EFCAB6: variants seen among roughly 807,000 people sequenced by gnomAD.
The protein encoded by EFCAB6 is EF-hand calcium binding domain 6, also known as EF-hand calcium-binding domain-containing protein 6.
EFCAB6 carries 156 observed loss-of-function variants against 169.8 expected under a neutral mutation model. That is an observed-to-expected ratio of 0.92 (90% CI 0.81 to 1.05). The LOEUF (loss-of-function observed/expected upper bound fraction) is 1.05, where lower values mean the gene tolerates loss of function less well. Among genes scored for constraint, EFCAB6 ranks in the 50% least tolerant of loss-of-function variants. The pLI, the probability that EFCAB6 is intolerant of heterozygous loss-of-function variation, is 0.00. For missense variants in EFCAB6, 1,800 were observed against 1,829.1 expected (o/e 0.98, Z 0.29); for synonymous variants, 698 against 676.4 (o/e 1.03, Z -0.50).
intron 1 of EFCAB6, among the ~76,000 whole-genome samples, 200 bp downstream of exon 1, chr22:43,811,968 C>A (rs2063146446): frequency 6.6e-6 from 1 of 152,202 alleles, no homozygotes; most frequent in Non-Finnish European, 1.5e-5. Flanking sequence ...CTGTTCCCCA[C>A]AGGGCCCCAG....
At chr22:43,652,615 G>A (rs2056528915) in intron 17 of EFCAB6, among the ~76,000 whole-genome samples, 1 of 152,144 alleles carries the variant, frequency 6.6e-6, no homozygotes, top group Non-Finnish European at 1.5e-5. Context: ...CTAAGGTTAT[G>A]AGTCCCCACT....
At chr22:43,541,327 T>TG (rs905012723) in intron 27 of EFCAB6, among the ~76,000 whole-genome samples, 4 of 152,296 alleles carry the variant, frequency 2.6e-5, no homozygotes, top group African/African-American at 7.2e-5. Context: ...AAGTCGGGGT[T>TG]GGGGGGTGCA....
chr22:43,729,647 A>C (rs757181770), intron 8 of EFCAB6, among the ~76,000 whole-genome samples: 1 of 152,250 alleles, frequency 6.6e-6, no homozygotes, highest in Non-Finnish European at 1.5e-5. Flanking sequence ...AACTTCAGAT[A>C]CAAAATTACT....
At chr22:43,742,957 G>A (rs1253891504) in intron 6 of EFCAB6, among the ~76,000 whole-genome samples, 4 of 152,202 alleles carry the variant, frequency 2.6e-5, no homozygotes, top group Admixed American at 2.0e-4. Flanking sequence ...TGGAGAGCAA[G>A]GCTGGGGAAG....
intron 11 of EFCAB6, among the ~76,000 whole-genome samples, chr22:43,686,128 T>C (rs2058185749): frequency 6.6e-6 from 1 of 152,042 alleles, no homozygotes; most frequent in Admixed American, 6.5e-5. Context: ...ATTACAGGCT[T>C]GCGCCACCAC....
At chr22:43,582,622 T>C (rs767512161) in intron 24 of EFCAB6, among the ~76,000 whole-genome samples, 4 of 152,064 alleles carry the variant, frequency 2.6e-5, no homozygotes, top group Non-Finnish European at 5.9e-5. Flanking sequence ...ATGTGGGATA[T>C]AGGAGACAGG....
chr22:43,625,792 G>C (rs2054470911), intron 20 of EFCAB6, among the ~76,000 whole-genome samples: 1 of 152,214 alleles, frequency 6.6e-6, no homozygotes, highest in Non-Finnish European at 1.5e-5. Context: ...CCATCACCTA[G>C]CTTAACATTT....
chr22:43,676,213 C>G (rs141892827), intron 13 of EFCAB6, among the ~76,000 whole-genome samples: 1 of 151,784 alleles, frequency 6.6e-6, no homozygotes, highest in African/African-American at 2.4e-5. Flanking sequence ...GTCAGGAGAT[C>G]GAGACCATCC....
At chr22:43,617,973 A>G (rs1201802139) in intron 20 of EFCAB6, among the ~76,000 whole-genome samples, 1 of 151,534 alleles carries the variant, frequency 6.6e-6, no homozygotes, top group Non-Finnish European at 1.5e-5. Flanking sequence ...GTGGTGGTGC[A>G]CGCCTATAAT....
intron 17 of EFCAB6, among the ~76,000 whole-genome samples, chr22:43,651,897 G>GTAT (rs1419139972): frequency 6.6e-6 from 1 of 152,308 alleles, no homozygotes; most frequent in Non-Finnish European, 1.5e-5. Flanking sequence ...TTGAATGGCT[G>GTAT]TATTTACCCA....
At position 43,605,705 on chromosome 22, in the gene EFCAB6, G is replaced by C. The variant is rs532960230; in HGVS notation, c.2681+2777C>G. ...CTGGAGCTGGACGGTGGTGACAGCT[G>C]CACTGCATGATGAACGTATTGAATA... On this transcript the variant is annotated intron_variant, in intron 22 of 31. Coordinates refer to ENST00000262726, the MANE Select transcript of EFCAB6 (RefSeq NM_022785.4). Among the ~76,000 whole-genome samples the C allele has an allele frequency of 1.4e-4, 21 of 152,250 alleles. No individual in the cohort carries two copies. In the South Asian group the frequency reaches 3.9e-3, roughly 29 times the overall value.
chr22:43,713,638 C>T (rs974194733), intron 9 of EFCAB6, among the ~76,000 whole-genome samples: 7 of 152,178 alleles, frequency 4.6e-5, no homozygotes, highest in Non-Finnish European at 7.3e-5. Context: ...GTGTAATTTC[C>T]GGAGAAACCT....
At chr22:43,760,630 C>G (rs540739934) in intron 5 of EFCAB6, among the ~76,000 whole-genome samples, 1 of 151,236 alleles carries the variant, frequency 6.6e-6, no homozygotes, top group Non-Finnish European at 1.5e-5. Flanking sequence ...CTGAAGGTTC[C>G]GCCCTCTTGA....
At chr22:43,541,817 G>C (rs1470463658) in intron 27 of EFCAB6, among the ~76,000 whole-genome samples, 1 of 152,182 alleles carries the variant, frequency 6.6e-6, no homozygotes, top group African/African-American at 2.4e-5. Flanking sequence ...TCCCTCCCCT[G>C]GCCTGGAAGC....
chr22:43,746,244 A>G (rs1308366014), intron 6 of EFCAB6, among the ~76,000 whole-genome samples: 1 of 152,206 alleles, frequency 6.6e-6, no homozygotes, highest in Non-Finnish European at 1.5e-5. Context: ...AAATTTCTTT[A>G]CTGACCATAG....
chr22:43,567,464 T>C (rs2049521945), intron 26 of EFCAB6, among the ~76,000 whole-genome samples: 1 of 152,094 alleles, frequency 6.6e-6, no homozygotes, highest in Admixed American at 6.5e-5. Flanking sequence ...TAGGATAGAA[T>C]ACAAAAATAA....
intron 12 of EFCAB6, among the ~76,000 whole-genome samples, chr22:43,679,790 G>T (rs890918965): frequency 4.0e-5 from 6 of 151,886 alleles, no homozygotes; most frequent in Admixed American, 3.3e-4. Flanking sequence ...AGATCTTCTT[G>T]GGTAAAATGT....
chr22:43,613,264 TTCATA>T (rs1387970392), intron 21 of EFCAB6, among the ~76,000 whole-genome samples: 3 of 150,424 alleles, frequency 2.0e-5, no homozygotes, highest in East Asian at 1.9e-4. Context: ...AGCAAATATA[TTCATA>T]TCATATATTT....
rs1373518029 is a variant in EFCAB6, at chr22:43,806,016, C to A, written c.-8+2979G>T. Among the ~76,000 whole-genome samples, 3 of 151,872 alleles carry A rather than the reference C, an allele frequency of 2.0e-5. No homozygotes were observed. The East Asian group carries it at 5.8e-4, about 30-fold the overall frequency. On this transcript the variant is annotated intron_variant, in intron 2 of 31. Coordinates refer to ENST00000262726, the MANE Select transcript of EFCAB6 (RefSeq NM_022785.4). ...CCTGACTCTACTAAAAATACAAAAA[C>A]TTAGCTGGGTGTGGTGGTGAGTGCC...
Sources: allele counts gnomAD v4.1 joint callset (sites outside exome capture counted in the v4.1 genomes callset), GRCh38; gene constraint gnomAD v4.1.1; transcripts MANE v1.5; gene names NCBI Gene and HGNC (gene_info 2026-07-23, HGNC 2026-07-21).